The following CSNK1D variants were observed in gnomAD, a reference collection of about 807,000 sequenced individuals.
The protein encoded by CSNK1D is casein kinase 1 delta, also known as casein kinase I isoform delta.
A neutral mutation model predicts 46.6 loss-of-function variants in CSNK1D; 16 were observed. The observed-to-expected ratio is 0.34, with a 90% CI of 0.23 to 0.52. The LOEUF is 0.52. Ranked by LOEUF, CSNK1D falls within the 20% of genes least tolerant of loss-of-function variation. The pLI, the probability that CSNK1D is intolerant of heterozygous loss-of-function variation, is 0.95. For synonymous variants in CSNK1D, 276 were observed against 228.2 expected (o/e 1.21, Z -1.89); for missense variants, 398 against 578.4 (o/e 0.69, Z 3.20).
rs780889800 is a variant in CSNK1D, at chr17:82,244,755, G to A, written c.*26C>T. ...AGAGTAGATCAGCCATGCATTGTCT[G>A]CCCTTCACAGCAATAAGGAGAGTTC... On this transcript the variant is annotated 3_prime_UTR_variant, in exon 9 of 9. Transcript: ENST00000314028. 1 of 1,613,894 alleles carries A rather than the reference G, an allele frequency of 6.2e-7. No individual in the cohort carries two copies. The highest frequency in any genetic ancestry group is 8.5e-7 in the Non-Finnish European group (1 of 1,180,018).
At chr17:82,265,898 C>A in intron 1 of CSNK1D, 102 bp from the exon 2 acceptor site, 1 of 948,426 alleles carries the variant, frequency 1.1e-6, no homozygotes. Flanking sequence ...CATGAAGGAC[C>A]AAGTGAGGGA....
intron 2 of CSNK1D, among the ~76,000 whole-genome samples, chr17:82,263,211 A>C (rs115117727): frequency 1.4e-3 from 211 of 152,266 alleles, no homozygotes; most frequent in African/African-American, 4.5e-3. Context: ...AAACAAAAAC[A>C]AAAACCAAAA....
rs955500695 is a variant in CSNK1D, at chr17:82,248,674, G to A, written c.1197+201C>T. On this transcript the variant is annotated intron_variant, in intron 8 of 8. Transcript: ENST00000314028. The surrounding 1 kb of genome is among the most constrained non-coding windows in gnomAD (Gnocchi z 4.1). ...CTGGCCACCTGCAACCAGGAGACAA[G>A]CCCCATGACGGCCCAGCATGTCTCC... 7.1e-7 allele frequency: 1 copy of A among 1,411,830 alleles called. No individual in the cohort carries two copies. Among genetic ancestry groups the A allele is most frequent in the Non-Finnish European group, 9.2e-7 (1 of 1,083,154 alleles). The allele number at this position is 1,411,830 out of a possible 1,614,324, so 87.5% of individuals were successfully genotyped here. A position where few individuals can be genotyped will look rare whatever the true frequency, so the allele number is the denominator to read the frequency against.
chr17:82,261,221 AG>A (rs1446568828), intron 2 of CSNK1D: 1 of 154,694 alleles, frequency 6.5e-6, no homozygotes, highest in African/African-American at 2.4e-5. Context: ...GTGATTTTGC[AG>A]GAACAAGTGA....
At chr17:82,254,239 A>T in intron 3 of CSNK1D, 1 of 277,238 alleles carries the variant, frequency 3.6e-6, no homozygotes. Flanking sequence ...TCGAGAAGCC[A>T]GTGCAGTGCG....
chr17:82,264,360 A>G (rs577211000), intron 2 of CSNK1D, among the ~76,000 whole-genome samples: 1 of 152,214 alleles, frequency 6.6e-6, no homozygotes, highest in African/African-American at 2.4e-5. Context: ...CACACGCTTC[A>G]TGGCTCTGAA....
chr17:82,258,007 C>T (rs1484971218), intron 2 of CSNK1D, among the ~76,000 whole-genome samples: 1 of 151,828 alleles, frequency 6.6e-6, no homozygotes, highest in Non-Finnish European at 1.5e-5. Context: ...AAGTTTGAGA[C>T]CAGAAAGAAA....
intron 8 of CSNK1D, chr17:82,246,062 G>C: frequency 6.2e-7 from 1 of 1,600,406 alleles, no homozygotes; most frequent in Non-Finnish European, 8.5e-7. Context: ...AAAGACAGCT[G>C]TTGGTAAGCG....
chr17:82,239,473 G>A (rs1131633), downstream of CSNK1D: 9,360 of 168,608 alleles, frequency 0.056, 888 homozygotes, highest in African/African-American at 0.21. Flanking sequence ...TGGGTGGAGT[G>A]TTAGGACCAA....
intron 2 of CSNK1D, among the ~76,000 whole-genome samples, chr17:82,261,459 T>G (rs2051338358): frequency 6.6e-6 from 1 of 152,086 alleles, no homozygotes; most frequent in Non-Finnish European, 1.5e-5. Context: ...CATGCTCCAC[T>G]CTCATCTGTG....
chr17:82,258,269 G>A (rs780868814), intron 2 of CSNK1D, among the ~76,000 whole-genome samples: 7 of 148,170 alleles, frequency 4.7e-5, no homozygotes, highest in Non-Finnish European at 7.4e-5. Flanking sequence ...TTTATGTTTC[G>A]GTCTTTTATA....
rs2051136338 is a variant in CSNK1D at position 82,255,007 on chromosome 17, C to T, written c.336+422G>A. On this transcript the variant is annotated intron_variant, in intron 3 of 8. Transcript: ENST00000314028. This position sits in a 1 kb window ranked among gnomAD's most constrained non-coding sequence, Gnocchi z 5.9. Reference sequence around the variant, plus strand: ...AGCCAGTCAGCTGAGCCGCCGGAGCCTCGAGAAGCCAGTGAGCTGAGCCGT... The same window carrying T: ...AGCCAGTCAGCTGAGCCGCCGGAGCTTCGAGAAGCCAGTGAGCTGAGCCGT... 2.9e-6 allele frequency: 1 copy of T among 348,398 alleles called. No individual in the cohort carries two copies. Among genetic ancestry groups the T allele is most frequent in the African/African-American group, 2.4e-5 (1 of 41,700 alleles). 21.6% of individuals were successfully genotyped at this position (348,398 alleles called of 1,614,324 possible).
chr17:82,273,416 G>A lies in CSNK1D; in HGVS notation c.-35C>T. Reference sequence around the variant, plus strand: ...GGCCCGATTCGCTCCTGCCCTCCCGGCCGCTTCCTGGGTCTGAACTCTGGG... The same window carrying A: ...GGCCCGATTCGCTCCTGCCCTCCCGACCGCTTCCTGGGTCTGAACTCTGGG... On this transcript the variant is annotated 5_prime_UTR_variant, in exon 1 of 9. Transcript: ENST00000314028. The surrounding 1 kb of genome is among the most constrained non-coding windows in gnomAD (Gnocchi z 5.1). 1 of 1,608,602 alleles carries A rather than the reference G, an allele frequency of 6.2e-7. No individual in the cohort carries two copies. Among genetic ancestry groups the A allele is most frequent in the Non-Finnish European group, 8.5e-7 (1 of 1,178,578 alleles).
Position 82,273,148 on chromosome 17 carries a change from C to G in CSNK1D, c.76+158G>C. On this transcript the variant is annotated intron_variant, in intron 1 of 8. Coordinates refer to ENST00000314028, the MANE Select transcript of CSNK1D (RefSeq NM_001893.6). This position sits in a 1 kb window ranked among gnomAD's most constrained non-coding sequence, Gnocchi z 5.1. ...ACTGCCCTCCCCACCCCTGGCCGCG[C>G]TAGCCTAGTGGCCGTTGGGTTCTGG... 1 of 734,518 alleles carries G rather than the reference C, an allele frequency of 1.4e-6. No homozygotes were observed. Among genetic ancestry groups the G allele is most frequent in the Non-Finnish European group, 2.2e-6 (1 of 454,474 alleles). 45.5% of individuals were successfully genotyped at this position (734,518 alleles called of 1,614,324 possible).
intron 1 of CSNK1D, chr17:82,266,750 G>C (rs1223061640): frequency 6.6e-6 from 1 of 152,296 alleles, no homozygotes. Flanking sequence ...TCCCTCACGA[G>C]TCCCTTCAGA....
intron 1 of CSNK1D, among the ~76,000 whole-genome samples, chr17:82,268,298 T>C (rs535227381): frequency 1.2e-3 from 190 of 152,364 alleles, no homozygotes; most frequent in Non-Finnish European, 2.4e-3. Context: ...CCCCCTGGCC[T>C]GCAGCCCTGT....
In CSNK1D at chr17:82,255,630, A is replaced by C; in HGVS notation, c.188-53T>G. 1 of 1,607,834 alleles carries C rather than the reference A, an allele frequency of 6.2e-7. No homozygotes were observed. The highest frequency in any genetic ancestry group is 8.5e-7 in the Non-Finnish European group (1 of 1,174,612). ...TCAGTCCAGGCCCTGCCTCAGCTCC[A>C]CACTAAGTCTGCACTGTGCACACCA... On this transcript the variant is annotated intron_variant, in intron 2 of 8. Transcript: ENST00000314028. This position sits in a 1 kb window ranked among gnomAD's most constrained non-coding sequence, Gnocchi z 5.9.
chr17:82,246,405 C>T lies in CSNK1D; in HGVS notation c.1198-1574G>A, dbSNP rs966825605. Reference sequence around the variant, plus strand: ...AGGCAGGGGAGACGCACATCCTCGCCGGTACGACGACAGGGCTCAGGCCTA... The same window carrying T: ...AGGCAGGGGAGACGCACATCCTCGCTGGTACGACGACAGGGCTCAGGCCTA... On this transcript the variant is annotated intron_variant, in intron 8 of 8. Transcript: ENST00000314028. 60 of 1,219,438 alleles carry T rather than the reference C, an allele frequency of 4.9e-5. No homozygotes were observed. The South Asian group carries it at 6.0e-4, about 12-fold the overall frequency. 75.5% of individuals were successfully genotyped at this position (1,219,438 alleles called of 1,614,324 possible).
At chr17:82,258,304 A>G (rs892294043) in intron 2 of CSNK1D, among the ~76,000 whole-genome samples, 1 of 150,344 alleles carries the variant, frequency 6.7e-6, no homozygotes, top group Admixed American at 6.7e-5. Flanking sequence ...TATATAAAAA[A>G]CATAAATGTA....
Sources: gnomAD v4.1 joint callset for allele counts (sites outside exome capture counted in the v4.1 genomes callset) on GRCh38, gnomAD v4.1.1 for gene constraint, Gnocchi (gnomAD v3.1) non-coding constraint, MANE v1.5 for transcripts, NCBI Gene and HGNC (gene_info 2026-07-23, HGNC 2026-07-21) for gene names.